Variants in SCAMP1 observed in about 807,000 individuals in gnomAD.
SCAMP1 encodes the protein secretory carrier membrane protein 1.
A neutral mutation model predicts 41.8 loss-of-function variants in SCAMP1; 15 were observed. That is an observed-to-expected ratio of 0.36 (90% CI 0.24 to 0.55). The LOEUF is 0.55. SCAMP1 is among the 20% of genes least tolerant of loss of function. The probability of loss-of-function intolerance (pLI) is 0.86; values close to 1 mark genes in which losing one functional copy is unlikely to be tolerated. For synonymous variants in SCAMP1, 135 were observed against 136.8 expected (o/e 0.99, Z 0.09); for missense variants, 341 against 412.6 (o/e 0.83, Z 1.50).
chr5:78,402,631 G>C (rs1336998186), intron 2 of SCAMP1, among the ~76,000 whole-genome samples: 1 of 152,046 alleles, frequency 6.6e-6, no homozygotes, highest in African/African-American at 2.4e-5. Flanking sequence ...TTTTTTATCA[G>C]TGTTAGCATG....
At chr5:78,460,807 C>T (rs11952578) in intron 8 of SCAMP1, among the ~76,000 whole-genome samples, 11,929 of 23,284 alleles carry the variant, frequency 0.51, 3,263 homozygotes, top group East Asian at 0.84. Flanking sequence ...CTTCCTTCCT[C>T]CCTTCCTTCC....
At chr5:78,413,462 AG>A (rs1208359528) in intron 2 of SCAMP1, among the ~76,000 whole-genome samples, 7 of 147,722 alleles carry the variant, frequency 4.7e-5, no homozygotes, top group African/African-American at 1.7e-4. Flanking sequence ...CTGTAGCCCA[AG>A]TTGGAGTGCA....
intron 2 of SCAMP1, among the ~76,000 whole-genome samples, chr5:78,400,147 C>T (rs1751761548): frequency 6.6e-6 from 1 of 152,110 alleles, no homozygotes; most frequent in Admixed American, 6.5e-5. Context: ...ATTGTACTGC[C>T]TTTGCTCAGT....
rs942915058 is a variant in SCAMP1, at chr5:78,479,664, A to G, written c.*3996A>G. Among the ~76,000 whole-genome samples the G allele has an allele frequency of 1.3e-5, 2 of 152,202 alleles. No individual in the cohort carries two copies. Among genetic ancestry groups the G allele is most frequent in the African/African-American group, 4.8e-5 (2 of 41,466 alleles). On this transcript the variant is annotated 3_prime_UTR_variant, in exon 9 of 9. Transcript: ENST00000621999. Reference sequence around the variant, plus strand: ...TTGAAGATTGTAGGAAAATAGAGAAAGACTGTTCTCCAGTTTTCTCACCCC... The same window carrying G: ...TTGAAGATTGTAGGAAAATAGAGAAGGACTGTTCTCCAGTTTTCTCACCCC...
chr5:78,443,653 CTTTTTT>C (rs71613955), intron 6 of SCAMP1, among the ~76,000 whole-genome samples: 41 of 71,960 alleles, frequency 5.7e-4, no homozygotes, highest in African/African-American at 2.0e-3. Flanking sequence ...AGTGGTTTTG[CTTTTTT>C]TTTTTTTTTT....
chr5:78,389,679 C>T (rs1258282271), intron 2 of SCAMP1, among the ~76,000 whole-genome samples: 1 of 152,232 alleles, frequency 6.6e-6, no homozygotes, highest in South Asian at 2.1e-4. Context: ...CTTTATTACA[C>T]TACCCCTTAT....
chr5:78,398,384 A>ATTTTTTT (rs1751709324), intron 2 of SCAMP1, among the ~76,000 whole-genome samples: 1 of 15,794 alleles, frequency 6.3e-5, no homozygotes, highest in African/African-American at 2.2e-4. Flanking sequence ...TTTTTTTTTG[A>ATTTTTTT]GACAGGGTCT....
At chr5:78,455,030 T>C (rs1753350011) in intron 7 of SCAMP1, among the ~76,000 whole-genome samples, 1 of 151,896 alleles carries the variant, frequency 6.6e-6, no homozygotes, top group Admixed American at 6.5e-5. Flanking sequence ...AGTGGTGATA[T>C]CCCCTTTATC....
intron 5 of SCAMP1, among the ~76,000 whole-genome samples, 180 bp from the exon 6 acceptor site, chr5:78,421,621 A>G (rs979259988): frequency 6.6e-6 from 1 of 152,214 alleles, no homozygotes; most frequent in Non-Finnish European, 1.5e-5. Flanking sequence ...TTTCCTGTGT[A>G]TACTCTGTTT....
At position 78,475,632 on chromosome 5, in the gene SCAMP1, T is replaced by G; in HGVS notation, c.981T>G (p.Ser327Arg). The G allele has an allele frequency of 3.1e-6, 5 of 1,596,814 alleles. No individual in the cohort carries two copies. The highest frequency in any genetic ancestry group is 4.3e-6 in the Non-Finnish European group (5 of 1,171,398). The change falls in exon 9 of 9, where the codon AGT (serine) becomes AGG (arginine). Residue 327 changes from serine (S) to arginine (R), a missense_variant. By Grantham distance (110) the Ser-to-Arg change is moderately radical. Transcript: ENST00000621999. ...ATGCAGCTTCAACTGCAGCATCTAG[T>G]GCAGCTCAGAATGCTTTCAAGGGTA... ...AANAASTAAS[S>R]AAQNAFKGNQ...
At position 78,364,341 on chromosome 5, in the gene SCAMP1, T is replaced by C. The variant is rs115848010; in HGVS notation, c.57+3613T>C. Among the ~76,000 whole-genome samples the C allele has an allele frequency of 3.7e-3, 571 of 152,380 alleles. 2 individuals carry two copies. The highest frequency in any genetic ancestry group is 0.01 in the Middle Eastern group (3 of 294). ...AATTTTCATGCTTTATGCTTTTGCA[T>C]ATTAACATGATAATTGATTGAATAA... On this transcript the variant is annotated intron_variant, in intron 1 of 8. Coordinates refer to ENST00000621999, the MANE Select transcript of SCAMP1 (RefSeq NM_004866.6).
chr5:78,385,603 G>A (rs772239810), intron 1 of SCAMP1, among the ~76,000 whole-genome samples: 3 of 152,004 alleles, frequency 2.0e-5, no homozygotes, highest in Admixed American at 1.3e-4. Flanking sequence ...TTTCCTTTTA[G>A]CACCACTTTT....
intron 7 of SCAMP1, among the ~76,000 whole-genome samples, chr5:78,457,118 C>G (rs1044626844): frequency 3.4e-5 from 5 of 145,160 alleles, no homozygotes; most frequent in African/African-American, 1.3e-4. Context: ...AACTTCTTTG[C>G]CTTTGGTTTG....
intron 2 of SCAMP1, among the ~76,000 whole-genome samples, chr5:78,408,306 C>G (rs1254279586): frequency 6.6e-6 from 1 of 152,098 alleles, no homozygotes; most frequent in African/African-American, 2.4e-5. Flanking sequence ...TATTCACTGT[C>G]ATGAGAACAG....
chr5:78,374,148 T>TAGTTGGGAGATATAATGTG (rs1156877678), intron 1 of SCAMP1, among the ~76,000 whole-genome samples: 7 of 152,112 alleles, frequency 4.6e-5, no homozygotes, highest in Non-Finnish European at 4.4e-5. Context: ...ATCCACACTT[T>TAGTTGGGAGATATAATGTG]AGTTGGGAGA....
intron 7 of SCAMP1, among the ~76,000 whole-genome samples, chr5:78,457,494 C>CTCGGGGG (rs1434686293): frequency 2.0e-5 from 3 of 152,272 alleles, no homozygotes; most frequent in Non-Finnish European, 2.9e-5. Flanking sequence ...AGTTAGGCTG[C>CTCGGGGG]TCGGGGGTCA....
At chr5:78,421,740 G>T in intron 5 of SCAMP1, 61 bp from the exon 6 acceptor site, 1 of 1,421,722 alleles carries the variant, frequency 7.0e-7, no homozygotes, top group South Asian at 1.3e-5. Context: ...ATTTTTTGTT[G>T]GATGAATTCA....
intron 2 of SCAMP1, among the ~76,000 whole-genome samples, chr5:78,414,898 C>A (rs1317017982): frequency 6.6e-6 from 1 of 152,016 alleles, no homozygotes; most frequent in African/African-American, 2.4e-5. Flanking sequence ...TGGCAGTAAA[C>A]CTTGGTGTAG....
intron 7 of SCAMP1, among the ~76,000 whole-genome samples, chr5:78,457,575 C>T (rs1043679644): frequency 5.3e-4 from 81 of 152,324 alleles, no homozygotes; most frequent in African/African-American, 1.9e-3. Flanking sequence ...GGGAGAACCA[C>T]TGCTCTCTTC....
Sources: allele counts gnomAD v4.1 joint callset (sites outside exome capture counted in the v4.1 genomes callset), GRCh38; gene constraint gnomAD v4.1.1; transcripts MANE v1.5; gene names NCBI Gene and HGNC (gene_info 2026-07-23, HGNC 2026-07-21).